SRGAP2C: variants seen among roughly 807,000 people sequenced by gnomAD.
SRGAP2C encodes the protein SLIT-ROBO Rho GTPase activating protein 2C.
SRGAP2C carries 15 observed loss-of-function variants against 25.1 expected under a neutral mutation model. The observed-to-expected ratio is 0.60, with a 90% CI of 0.40 to 0.92. SRGAP2C has a LOEUF of 0.92. SRGAP2C is among the 40% of genes least tolerant of loss of function. The probability of loss-of-function intolerance (pLI) is 0.00; values close to 1 mark genes in which losing one functional copy is unlikely to be tolerated. For missense variants in SRGAP2C, 144 were observed against 264.4 expected (o/e 0.54, Z 3.16); for synonymous variants, 44 against 96.6 (o/e 0.46, Z 3.19).
At chr1:121,190,256 T>C (rs1654634175) in intron 2 of SRGAP2C, among the ~76,000 whole-genome samples, 1 of 148,084 alleles carries the variant, frequency 6.8e-6, no homozygotes, top group Non-Finnish European at 1.5e-5. Flanking sequence ...CTCTTACAGA[T>C]GCCAAGATAA....
chr1:121,300,151 TAC>T (rs1657672617), intron 3 of SRGAP2C, among the ~76,000 whole-genome samples: 1 of 137,140 alleles, frequency 7.3e-6, no homozygotes. Flanking sequence ...TGCATACAAA[TAC>T]ACAGTGTATT....
intron 4 of SRGAP2C, among the ~76,000 whole-genome samples, chr1:121,335,906 C>G (rs1455406392): frequency 6.6e-6 from 1 of 152,020 alleles, no homozygotes; most frequent in Non-Finnish European, 1.5e-5. Context: ...ATGTACTTAT[C>G]TTCCTCTGAA....
At chr1:121,303,970 C>G (rs1553339156) in intron 3 of SRGAP2C, among the ~76,000 whole-genome samples, 1 of 145,018 alleles carries the variant, frequency 6.9e-6, no homozygotes, top group African/African-American at 2.5e-5. Context: ...TTTGGGAGGC[C>G]GAGGCGGGCC....
chr1:121,265,956 G>T (rs1371698705), intron 2 of SRGAP2C, among the ~76,000 whole-genome samples: 6 of 151,652 alleles, frequency 4.0e-5, no homozygotes, highest in South Asian at 2.1e-4. Context: ...CTTGTTGTTG[G>T]TTTTTTTGTT....
At chr1:121,233,141 G>C (rs1300286554) in intron 2 of SRGAP2C, among the ~76,000 whole-genome samples, 2 of 139,268 alleles carry the variant, frequency 1.4e-5, no homozygotes, top group African/African-American at 5.4e-5. Context: ...TCTCCCCCTT[G>C]GTTCTTTTTT....
At chr1:121,322,879 C>T (rs1160045601) in intron 3 of SRGAP2C, among the ~76,000 whole-genome samples, 6,384 of 151,642 alleles carry the variant, frequency 0.042, 458 homozygotes, top group African/African-American at 0.15. Context: ...CCAAGCTACT[C>T]TCAACTCACT....
intron 1 of SRGAP2C, among the ~76,000 whole-genome samples, chr1:121,186,702 A>T (rs1238945384): frequency 6.9e-6 from 1 of 145,846 alleles, no homozygotes; most frequent in Non-Finnish European, 1.5e-5. Flanking sequence ...GGCTGCTCCA[A>T]AGTGTTTTCT....
intron 2 of SRGAP2C, among the ~76,000 whole-genome samples, chr1:121,192,698 CTGA>C (rs1200121489): frequency 6.6e-6 from 1 of 151,910 alleles, no homozygotes; most frequent in East Asian, 1.9e-4. Flanking sequence ...TAGACAGGCT[CTGA>C]TGATTTCTCT....
Position 121,314,684 on chromosome 1 carries a change from T to C in SRGAP2C, c.261-9794T>C, listed in dbSNP as rs1434940449. 2.5e-3 allele frequency among the ~76,000 whole-genome samples: 370 copies of C among 146,498 alleles called. 1 individual carries two copies. The highest frequency in any genetic ancestry group is 8.8e-3 in the African/African-American group (345 of 39,404). ...CTGCAGGTCTGTTGGAATACCCTGC[T>C]GTGTGAGGTGTCAGTGTGCCCCTGC... On this transcript the variant is annotated intron_variant, in intron 3 of 9. Transcript: ENST00000367123.
chr1:121,295,876 C>T (rs1456549533), intron 3 of SRGAP2C, among the ~76,000 whole-genome samples: 1 of 152,092 alleles, frequency 6.6e-6, no homozygotes, highest in African/African-American at 2.4e-5. Context: ...ATTCTCCTGC[C>T]TCAGCCTCCC....
intron 4 of SRGAP2C, among the ~76,000 whole-genome samples, chr1:121,335,896 A>C (rs1453866219): frequency 2.3e-4 from 35 of 151,820 alleles, no homozygotes; most frequent in Non-Finnish European, 3.7e-4. Flanking sequence ...GAAACTCTAG[A>C]TGTACTTATC....
chr1:121,329,166 A>C (rs1332864437), intron 4 of SRGAP2C, among the ~76,000 whole-genome samples: 22 of 149,976 alleles, frequency 1.5e-4, no homozygotes, highest in Non-Finnish European at 3.1e-4. Context: ...AGCAGAGATC[A>C]TGCTGTTGCA....
Position 121,267,989 on chromosome 1 carries a change from C to T in SRGAP2C, c.68-16814C>T, listed in dbSNP as rs1656843126. On this transcript the variant is annotated intron_variant, in intron 2 of 9. Coordinates refer to ENST00000367123, the MANE Select transcript of SRGAP2C (RefSeq NM_001329984.2). ...AAATCCCATCACCCAAAAAACAGCT[C>T]TTGATTCATTCATTCAATGTGCCTT... 2.7e-5 allele frequency among the ~76,000 whole-genome samples: 4 copies of T among 150,598 alleles called. No homozygotes were observed. The South Asian group carries it at 8.4e-4, about 32-fold the overall frequency.
intron 3 of SRGAP2C, among the ~76,000 whole-genome samples, chr1:121,304,210 C>CAAA (rs1174072520): frequency 4.7e-5 from 1 of 21,380 alleles, no homozygotes; most frequent in African/African-American, 2.0e-4. Context: ...GACTCCATAT[C>CAAA]AAAAAAAAAA....
At chr1:121,277,973 C>T (rs1312289121) in intron 2 of SRGAP2C, among the ~76,000 whole-genome samples, 1 of 143,986 alleles carries the variant, frequency 6.9e-6, no homozygotes, top group Non-Finnish European at 1.5e-5. Flanking sequence ...CAGGGTGTTG[C>T]TCTGTCACCC....
chr1:121,283,531 TGCATTACATA>T (rs1657298016), intron 2 of SRGAP2C, among the ~76,000 whole-genome samples: 1 of 151,476 alleles, frequency 6.6e-6, no homozygotes, highest in African/African-American at 2.4e-5. Flanking sequence ...CCCATAATGA[TGCATTACATA>T]GCATTACATA....
At chr1:121,229,568 G>C (rs1406216816) in intron 2 of SRGAP2C, among the ~76,000 whole-genome samples, 1 of 152,008 alleles carries the variant, frequency 6.6e-6, no homozygotes, top group East Asian at 1.9e-4. Context: ...TTCAAGAGTA[G>C]CCCATTGGCT....
rs1235677157 is a variant in SRGAP2C, at chr1:121,390,646, G to C, written c.*2791G>C. 1 of 78,580 alleles carries C rather than the reference G, an allele frequency of 1.3e-5. No homozygotes were observed. Among genetic ancestry groups the C allele is most frequent in the Non-Finnish European group, 2.4e-5 (1 of 41,580 alleles). The allele number at this position is 78,580 out of a possible 1,614,324, so 4.9% of individuals were successfully genotyped here. ...GGGAATTTGAGGCATGACCTATAAA[G>C]ATCAGTTGCTTGCAAGAGTCTCAGG... On this transcript the variant is annotated 3_prime_UTR_variant, in exon 10 of 10. Transcript: ENST00000367123.
At chr1:121,351,410 C>A (rs1330133120) in intron 4 of SRGAP2C, among the ~76,000 whole-genome samples, 1 of 151,582 alleles carries the variant, frequency 6.6e-6, no homozygotes, top group African/African-American at 2.4e-5. Flanking sequence ...GAGATCGAGA[C>A]CATCCTGGCT....
Sources: allele counts gnomAD v4.1 joint callset (sites outside exome capture counted in the v4.1 genomes callset), GRCh38; gene constraint gnomAD v4.1.1; transcripts MANE v1.5; gene names NCBI Gene and HGNC (gene_info 2026-07-23, HGNC 2026-07-21).